Variants in WFDC10B observed in about 807,000 individuals in gnomAD.
The protein encoded by WFDC10B is WAP four-disulfide core domain 10B.
Under a neutral mutation model 2.7 loss-of-function variants are expected in WFDC10B, and 1 was observed. That is an observed-to-expected ratio of 0.38 (90% confidence interval 0.13 to 1.79). WFDC10B has a LOEUF of 1.79. Among genes scored for constraint, WFDC10B ranks in the 40% most tolerant of loss-of-function variants. The pLI, the probability that WFDC10B is intolerant of heterozygous loss-of-function variation, is 0.33. For synonymous variants in WFDC10B, 26 were observed against 32.2 expected (o/e 0.81, Z 0.65); for missense variants, 71 against 87.8 (o/e 0.81, Z 0.76).
chr20:45,701,923 A>C, intron 2 of WFDC10B: 1 of 568,572 alleles, frequency 1.8e-6, no homozygotes, highest in Non-Finnish European at 3.2e-6. Context: ...GGAGGATATG[A>C]AAACACTACG....
chr20:45,694,728 T>G (rs1338306289), intron 2 of WFDC10B, among the ~76,000 whole-genome samples: 1 of 152,168 alleles, frequency 6.6e-6, no homozygotes, highest in Non-Finnish European at 1.5e-5. Context: ...CGATTCCACC[T>G]CAGTTTCTGC....
intron 2 of WFDC10B, among the ~76,000 whole-genome samples, chr20:45,694,079 G>A (rs1432639022): frequency 1.3e-5 from 2 of 152,160 alleles, no homozygotes; most frequent in Non-Finnish European, 2.9e-5. Context: ...CATTTTGTAG[G>A]TTGTCTGTTC....
chr20:45,700,887 A>T (rs901540257), intron 2 of WFDC10B, among the ~76,000 whole-genome samples: 2 of 152,242 alleles, frequency 1.3e-5, no homozygotes, highest in African/African-American at 4.8e-5. Flanking sequence ...TTTGCCTATG[A>T]TAAACACTGA....
At chr20:45,702,946 T>C (rs139670172) in intron 2 of WFDC10B, among the ~76,000 whole-genome samples, 2 of 152,308 alleles carry the variant, frequency 1.3e-5, no homozygotes, top group Non-Finnish European at 2.9e-5. Flanking sequence ...AGCTCATGTG[T>C]CTGGGGAGGC....
At chr20:45,685,193 T>C (rs1325560091) in intron 3 of WFDC10B, among the ~76,000 whole-genome samples, 1 of 152,150 alleles carries the variant, frequency 6.6e-6, no homozygotes, top group Non-Finnish European at 1.5e-5. Flanking sequence ...CTGGGCTTCC[T>C]GGACTCTCGC....
chr20:45,685,859 C>G, intron 3 of WFDC10B, 43 bp downstream of exon 3: 1 of 1,608,844 alleles, frequency 6.2e-7, no homozygotes, highest in Non-Finnish European at 8.5e-7. Context: ...CTCCATTCCC[C>G]CTACCCAACT....
At chr20:45,702,310 G>C in intron 2 of WFDC10B, 1 of 1,255,808 alleles carries the variant, frequency 8.0e-7, no homozygotes, top group South Asian at 1.4e-5. Flanking sequence ...AAAATACCGT[G>C]TCATGTTCAA....
In WFDC10B at chr20:45,684,873, C is replaced by T; in HGVS notation, c.179G>A (p.Cys60Tyr). 1.9e-6 allele frequency: 3 copies of T among 1,614,036 alleles called. 1 individual carries two copies. The highest frequency in any genetic ancestry group is 3.3e-4 in the Middle Eastern group (2 of 6,058). Residue 60 changes from cysteine to tyrosine, a missense_variant, in exon 4 of 4, where the codon TGC becomes TAC. Physicochemically the swap from Cys to Tyr is radical, Grantham distance 194. Transcript: ENST00000330523. The part of the protein sequence containing the change: ...YFQKCETNKI[C>Y]CSAFCGNICM... ...AATGTTCCCACAGAAGGCTGAACAG[C>T]ATATCTTATTTGTTTCACACTTTTG...
At chr20:45,698,405 A>G (rs1170281136) in intron 2 of WFDC10B, among the ~76,000 whole-genome samples, 1 of 152,204 alleles carries the variant, frequency 6.6e-6, no homozygotes, top group East Asian at 1.9e-4. Flanking sequence ...CACCAAAAGC[A>G]CAGTAACAAA....
rs529625745 is a variant in WFDC10B, at chr20:45,687,411, A to G, written c.-64-1355T>C. Among the ~76,000 whole-genome samples, 4 of 152,238 alleles carry G rather than the reference A, an allele frequency of 2.6e-5. No individual in the cohort carries two copies. The East Asian group carries it at 5.8e-4, about 22-fold the overall frequency. On this transcript the variant is annotated intron_variant, in intron 2 of 3. Coordinates refer to ENST00000330523, the MANE Select transcript of WFDC10B (RefSeq NM_172006.2). ...CCATATTTTCTTTATCCAATCTATCATTGATGGGCTTTTGGGTTAATTTCA... is the reference window on the plus strand; with the variant it reads ...CCATATTTTCTTTATCCAATCTATCGTTGATGGGCTTTTGGGTTAATTTCA...
chr20:45,687,303 G>A lies in WFDC10B; in HGVS notation c.-64-1247C>T, dbSNP rs1180671802. On this transcript the variant is annotated intron_variant, in intron 2 of 3. Coordinates refer to ENST00000330523, the MANE Select transcript of WFDC10B (RefSeq NM_172006.2). ...CCTCCATTAGTTTGCTGAGGATAAC[G>A]GCTTGTAGTTCCATCCATGTCCTTG... Among the ~76,000 whole-genome samples the A allele has an allele frequency of 4.6e-5, 7 of 152,120 alleles. 1 individual carries two copies. Among genetic ancestry groups the A allele is most frequent in the Admixed American group, 3.9e-4 (6 of 15,270 alleles).
chr20:45,695,303 G>A (rs1983943995), intron 2 of WFDC10B, among the ~76,000 whole-genome samples: 1 of 152,276 alleles, frequency 6.6e-6, no homozygotes, highest in African/African-American at 2.4e-5. Context: ...CACCCAGTTG[G>A]TGTCCAGAGA....
intron 2 of WFDC10B, among the ~76,000 whole-genome samples, chr20:45,701,839 A>C (rs1984175773): frequency 6.6e-6 from 1 of 152,190 alleles, no homozygotes; most frequent in Non-Finnish European, 1.5e-5. Context: ...AAAATTATAA[A>C]AAAATGTTAA....
At chr20:45,698,845 G>A (rs1984055506) in intron 2 of WFDC10B, among the ~76,000 whole-genome samples, 2 of 151,804 alleles carry the variant, frequency 1.3e-5, no homozygotes, top group African/African-American at 2.4e-5. Flanking sequence ...GCAGGCGCCT[G>A]TAATCCCAGC....
chr20:45,702,847 G>A (rs955330773), intron 2 of WFDC10B, among the ~76,000 whole-genome samples: 3 of 152,204 alleles, frequency 2.0e-5, no homozygotes, highest in African/African-American at 7.2e-5. Flanking sequence ...TACCAAGTGG[G>A]AAAAGAACTG....
intron 2 of WFDC10B, among the ~76,000 whole-genome samples, chr20:45,691,531 C>T (rs1457322073): frequency 2.1e-4 from 31 of 150,506 alleles, no homozygotes; most frequent in African/African-American, 5.6e-4. Context: ...CTGTATTGGG[C>T]GCATATATAT....
chr20:45,690,799 T>A (rs985031190), intron 2 of WFDC10B, among the ~76,000 whole-genome samples: 1 of 152,208 alleles, frequency 6.6e-6, no homozygotes, highest in African/African-American at 2.4e-5. Flanking sequence ...CCTAGATTCA[T>A]TAAATTTTTG....
intron 2 of WFDC10B, among the ~76,000 whole-genome samples, chr20:45,688,908 C>T (rs1392223547): frequency 6.6e-6 from 1 of 151,818 alleles, no homozygotes. Flanking sequence ...GACATGAAGT[C>T]CTTGCCCATG....
chr20:45,704,908 G>C lies in WFDC10B; in HGVS notation c.-130+10C>G, dbSNP rs370040493. 5.8e-5 allele frequency: 93 copies of C among 1,612,978 alleles called. No individual in the cohort carries two copies. The highest frequency in any genetic ancestry group is 7.5e-5 in the Non-Finnish European group (89 of 1,179,170). ...ACCCAGAATCCACCCTTATCCCAGG[G>C]ACACTGTACCTGCAGGTGTAACCAA... On this transcript the variant is annotated intron_variant, in intron 1 of 3. Coordinates refer to ENST00000330523, the MANE Select transcript of WFDC10B (RefSeq NM_172006.2).
Sources: allele counts gnomAD v4.1 joint callset (sites outside exome capture counted in the v4.1 genomes callset), GRCh38; gene constraint gnomAD v4.1.1; transcripts MANE v1.5; gene names NCBI Gene and HGNC (gene_info 2026-07-23, HGNC 2026-07-21).